The following TNKS2 variants were observed in gnomAD, a reference collection of about 807,000 sequenced individuals.
The protein encoded by TNKS2 is tankyrase 2.
A neutral mutation model predicts 137.6 loss-of-function variants in TNKS2; 72 were observed. The ratio of observed to expected loss-of-function variants is 0.52; its 90% confidence interval spans 0.43 to 0.64. The LOEUF (loss-of-function observed/expected upper bound fraction) is 0.64. TNKS2 is among the 30% of genes least tolerant of loss of function. The pLI is 0.00. For missense variants in TNKS2, 1,049 were observed against 1,410.2 expected (o/e 0.74, Z 4.10); for synonymous variants, 516 against 512.1 (o/e 1.01, Z -0.10).
At chr10:91,812,525 A>T (rs1429743348) in intron 1 of TNKS2, among the ~76,000 whole-genome samples, 1 of 152,218 alleles carries the variant, frequency 6.6e-6, no homozygotes, top group Non-Finnish European at 1.5e-5. Flanking sequence ...GTAGTCCCCC[A>T]GTTTAGCAGA....
Position 91,848,395 on chromosome 10 carries a change from A to G in TNKS2, c.2371A>G (p.Ser791Gly). The change falls in exon 19 of 27, where the codon AGC becomes GGC. Residue 791 changes from serine (S) to glycine (G), a missense_variant. Transcript: ENST00000371627. ...ACACGTACCCTAGGCGGATGATGTC[A>G]GCGCTCTTCTGACAGCAGCCATGCC... Reference protein sequence around the residue: ...PLDLVSADDVSALLTAAMPPS... With the variant: ...PLDLVSADDVGALLTAAMPPS... 6.2e-7 allele frequency: 1 copy of G among 1,614,148 alleles called. No homozygotes were observed. The highest frequency in any genetic ancestry group is 8.5e-7 in the Non-Finnish European group (1 of 1,180,008).
intron 12 of TNKS2, 192 bp from the exon 13 acceptor site, chr10:91,836,727 T>A: frequency 1.0e-6 from 1 of 985,446 alleles, no homozygotes; most frequent in Non-Finnish European, 1.2e-6. Flanking sequence ...ATATGTGTTG[T>A]ATTTCAAAGA....
rs752957474 is a variant in TNKS2 at position 91,840,564 on chromosome 10, CTG to C, written c.1535_1536del (p.Cys512TyrfsTer11). ...KAGDVETVKKLCTVQSVNCRD... is the reference protein window; with the variant it reads ...KAGDVETVKKXCTVQSVNCRD... ...TATGTTGTGTTTTGTCCTTCAGAAA[CTG>C]TGTACTGTTCAGAGTGTCAACTGCA... On this transcript the variant is annotated frameshift_variant, in exon 14 of 27. Transcript: ENST00000371627. LOFTEE classifies it high-confidence loss of function. 6 of 1,612,954 alleles carry C rather than the reference CTG, an allele frequency of 3.7e-6. No individual in the cohort carries two copies. The highest frequency in any genetic ancestry group is 3.4e-6 in the Non-Finnish European group (4 of 1,179,600).
At chr10:91,824,632 G>A (rs573945152) in intron 7 of TNKS2, among the ~76,000 whole-genome samples, 1 of 152,254 alleles carries the variant, frequency 6.6e-6, no homozygotes, top group African/African-American at 2.4e-5. Context: ...TTATTGTGGT[G>A]CACACTTCTA....
chr10:91,823,915 T>C (rs1451182530), intron 7 of TNKS2, among the ~76,000 whole-genome samples: 2 of 152,214 alleles, frequency 1.3e-5, no homozygotes, highest in Non-Finnish European at 2.9e-5. Flanking sequence ...ATTAAACTTA[T>C]AATGTGGCTG....
intron 20 of TNKS2, among the ~76,000 whole-genome samples, chr10:91,850,641 C>T (rs1276019270): frequency 6.6e-6 from 1 of 152,106 alleles, no homozygotes; most frequent in African/African-American, 2.4e-5. Context: ...ATCGCTTGAA[C>T]CCGGGAGGCA....
chr10:91,842,449 A>C, intron 16 of TNKS2, 58 bp downstream of exon 16: 1 of 1,496,106 alleles, frequency 6.7e-7, no homozygotes, highest in Non-Finnish European at 9.2e-7. Flanking sequence ...CATTTTACCC[A>C]GGTAAAATAT....
intron 7 of TNKS2, among the ~76,000 whole-genome samples, chr10:91,826,694 T>C (rs1359371476): frequency 6.6e-6 from 1 of 152,184 alleles, no homozygotes; most frequent in Non-Finnish European, 1.5e-5. Context: ...TCAGAATTCA[T>C]CAAAGTTGTA....
At chr10:91,819,691 T>G in intron 5 of TNKS2, 134 bp downstream of exon 5, 1 of 828,364 alleles carries the variant, frequency 1.2e-6, no homozygotes, top group Non-Finnish European at 1.9e-6. Flanking sequence ...TTTCAGTATT[T>G]CAAATTCTTA....
chr10:91,809,083 T>C (rs1273877282), intron 1 of TNKS2, among the ~76,000 whole-genome samples: 1 of 152,180 alleles, frequency 6.6e-6, no homozygotes, highest in Non-Finnish European at 1.5e-5. Flanking sequence ...CAAGAAAATA[T>C]ATAAAATACT....
intron 23 of TNKS2, 78 bp from the exon 24 acceptor site, chr10:91,857,346 TA>T: frequency 2.3e-6 from 2 of 876,670 alleles, no homozygotes; most frequent in Non-Finnish European, 3.5e-6. Flanking sequence ...TAGCTAAATG[TA>T]TGTCCCATGT....
chr10:91,807,123 T>C, intron 1 of TNKS2: 1 of 1,477,572 alleles, frequency 6.8e-7, no homozygotes, highest in Non-Finnish European at 9.4e-7. Context: ...ACACTTTCTC[T>C]AATTCAAAAG....
Position 91,863,098 on chromosome 10 carries a change from C to A in TNKS2, c.*99C>A. ...TTTGCTGAAAAAAAATCATCTTGCC[C>A]ACAGGCCTGTGGCAAAAGGATAAAA... On this transcript the variant is annotated 3_prime_UTR_variant, in exon 27 of 27. Transcript: ENST00000371627. 2.5e-6 allele frequency: 2 copies of A among 796,840 alleles called. No homozygotes were observed. The highest frequency in any genetic ancestry group is 2.6e-5 in the East Asian group (1 of 38,230). The allele number at this position is 796,840 out of a possible 1,614,324, so 49.4% of individuals were successfully genotyped here. A position where few individuals can be genotyped will look rare whatever the true frequency, so the allele number is the denominator to read the frequency against.
intron 11 of TNKS2, among the ~76,000 whole-genome samples, chr10:91,832,203 T>G (rs928453500): frequency 3.3e-5 from 5 of 152,330 alleles, no homozygotes; most frequent in African/African-American, 1.2e-4. Context: ...CTTGACTGCT[T>G]GGCATATCTT....
chr10:91,817,940 A>T (rs550173516), intron 3 of TNKS2, among the ~76,000 whole-genome samples: 1 of 152,352 alleles, frequency 6.6e-6, no homozygotes, highest in South Asian at 2.1e-4. Flanking sequence ...CTAGAATCAT[A>T]CCTAATCTAA....
chr10:91,813,462 A>G (rs910941875), intron 2 of TNKS2, among the ~76,000 whole-genome samples: 5 of 152,204 alleles, frequency 3.3e-5, no homozygotes, highest in African/African-American at 4.8e-5. Flanking sequence ...AAAGAGCCAG[A>G]TAAAGGCATG....
intron 1 of TNKS2, among the ~76,000 whole-genome samples, chr10:91,811,315 T>C (rs1844495107): frequency 6.6e-6 from 1 of 151,782 alleles, no homozygotes; most frequent in Non-Finnish European, 1.5e-5. Flanking sequence ...CTCCTTTCCC[T>C]CACCTCTCCC....
intron 16 of TNKS2, among the ~76,000 whole-genome samples, chr10:91,842,848 G>A (rs1772183): frequency 0.52 from 78,583 of 151,948 alleles, 20,765 homozygotes; most frequent in East Asian, 0.72. Flanking sequence ...TGTACAGGAC[G>A]ACCGTACTTG....
At chr10:91,838,834 G>A (rs531541431) in intron 13 of TNKS2, among the ~76,000 whole-genome samples, 83 of 152,218 alleles carry the variant, frequency 5.5e-4, no homozygotes, top group Middle Eastern at 3.4e-3. Flanking sequence ...TAAAAAGGGG[G>A]AAAGAGTTTT....
Sources: gnomAD v4.1 joint callset for allele counts (sites outside exome capture counted in the v4.1 genomes callset) on GRCh38, gnomAD v4.1.1 for gene constraint, MANE v1.5 for transcripts, NCBI Gene and HGNC (gene_info 2026-07-23, HGNC 2026-07-21) for gene names.